Variants in MIB1 observed in about 807,000 individuals in gnomAD.
The protein encoded by MIB1 is E3 ubiquitin-protein ligase MIB1.
Under a neutral mutation model 124.5 loss-of-function variants are expected in MIB1, and 278 were observed. The observed-to-expected ratio is 2.23, with a 90% confidence interval of 2.02 to 2.47. MIB1 has a LOEUF of 2.47. Ranked by LOEUF, MIB1 falls within the 30% of genes most tolerant of loss-of-function variation. MIB1 has a pLI of 0.00. For missense variants in MIB1, 957 were observed against 1,254.4 expected (o/e 0.76, Z 3.58); for synonymous variants, 446 against 429.4 (o/e 1.04, Z -0.48).
chr18:21,822,600 C>T (rs986050331), intron 12 of MIB1, among the ~76,000 whole-genome samples: 3 of 152,154 alleles, frequency 2.0e-5, no homozygotes, highest in Admixed American at 2.0e-4. Flanking sequence ...TTTAATTGGA[C>T]ACTGAAGAGT....
At position 21,817,436 on chromosome 18, in the gene MIB1, T is replaced by C. The variant is rs143936102; in HGVS notation, c.1677+1623T>C. Among the ~76,000 whole-genome samples the C allele has an allele frequency of 4.1e-3, 627 of 152,312 alleles. 2 individuals carry two copies. The highest frequency in any genetic ancestry group is 0.01 in the Middle Eastern group (3 of 294). ...CACCATGCCTAGCAGGAATTCTTTA[T>C]GTAGGTGGATGAATATATTCCTGGG... On this transcript the variant is annotated intron_variant, in intron 11 of 20. Coordinates refer to ENST00000261537, the MANE Select transcript of MIB1 (RefSeq NM_020774.4).
intron 18 of MIB1, chr18:21,854,546 A>T (rs1464989458): frequency 6.3e-6 from 1 of 157,986 alleles, no homozygotes; most frequent in East Asian, 1.8e-4. Flanking sequence ...GAGCCTTAAT[A>T]TAATATTTCC....
At position 21,722,513 on chromosome 18, in the gene MIB1, G is replaced by A. The variant is rs543234837; in HGVS notation, n.167+17390G>A. ...AGCCTCCTGAGTAGCTGAGATTACAGGCGCCTGCCACCACACCCTGCTAAT... is the reference window on the plus strand; with the variant it reads ...AGCCTCCTGAGTAGCTGAGATTACAAGCGCCTGCCACCACACCCTGCTAAT... On this transcript the variant is annotated intron_variant and non_coding_transcript_variant, in intron 1 of 20. Transcript: ENST00000578646. 2.8e-4 allele frequency among the ~76,000 whole-genome samples: 43 copies of A among 152,132 alleles called. 1 individual carries two copies. The East Asian group carries it at 7.9e-3, about 28-fold the overall frequency.
intron 4 of MIB1, among the ~76,000 whole-genome samples, chr18:21,777,686 C>T (rs2053539316): frequency 6.6e-6 from 1 of 152,102 alleles, no homozygotes; most frequent in Non-Finnish European, 1.5e-5. Context: ...TCCTGAGCAT[C>T]TGGGATTACA....
chr18:21,862,165 G>A (rs536591099), intron 20 of MIB1, among the ~76,000 whole-genome samples: 1 of 151,710 alleles, frequency 6.6e-6, no homozygotes, highest in South Asian at 2.1e-4. Flanking sequence ...CCAAAGTGTT[G>A]GGATTACAGG....
intron 9 of MIB1, among the ~76,000 whole-genome samples, chr18:21,803,187 A>G (rs1024449155): frequency 6.6e-5 from 10 of 151,858 alleles, no homozygotes; most frequent in African/African-American, 2.4e-4. Context: ...TTACCTTTTA[A>G]ATTATTTTAT....
chr18:21,784,260 G>A (rs1447071861), intron 6 of MIB1, among the ~76,000 whole-genome samples: 1 of 151,282 alleles, frequency 6.6e-6, no homozygotes, highest in African/African-American at 2.4e-5. Flanking sequence ...TGTTGGCCAG[G>A]CTGGTCTGGA....
rs538337669 is a variant in MIB1 at position 21,869,216 on chromosome 18, G to A, written c.*4550G>A. On this transcript the variant is annotated 3_prime_UTR_variant, in exon 21 of 21. Coordinates refer to ENST00000261537, the MANE Select transcript of MIB1 (RefSeq NM_020774.4). ...ATATGCTGAATATTTTACTTTTCCTGTATAGTCTGCATGATTTGTTTCATA... is the reference window on the plus strand; with the variant it reads ...ATATGCTGAATATTTTACTTTTCCTATATAGTCTGCATGATTTGTTTCATA... 2.0e-5 allele frequency: 3 copies of A among 152,508 alleles called. No individual in the cohort carries two copies. The highest frequency in any genetic ancestry group is 1.9e-4 in the East Asian group (1 of 5,186). The allele number at this position is 152,508 out of a possible 1,614,324, so 9.4% of individuals were successfully genotyped here.
At chr18:21,818,571 A>G (rs1462485418) in intron 11 of MIB1, among the ~76,000 whole-genome samples, 1 of 152,194 alleles carries the variant, frequency 6.6e-6, no homozygotes. Context: ...TGAGAGGCTC[A>G]TGTGGGAGGA....
intron 20 of MIB1, among the ~76,000 whole-genome samples, chr18:21,863,371 C>T (rs2042293313): frequency 6.6e-6 from 1 of 152,178 alleles, no homozygotes; most frequent in South Asian, 2.1e-4. Context: ...GTCCCGAGCT[C>T]TTGTCCAGTG....
At chr18:21,740,390 A>G (rs760493009), upstream of MIB1, among the ~76,000 whole-genome samples, 7 of 152,056 alleles carry the variant, frequency 4.6e-5, no homozygotes, top group Non-Finnish European at 1.0e-4. Context: ...GCTTAAAAAC[A>G]CACTACTAAC....
intron 1 of MIB1, among the ~76,000 whole-genome samples, chr18:21,719,764 A>G (rs2040706455): frequency 6.6e-6 from 1 of 151,754 alleles, no homozygotes; most frequent in Non-Finnish European, 1.5e-5. Context: ...GCCCTTTTTT[A>G]CTTTTTTCTA....
rs555056843 is a variant in MIB1, at chr18:21,787,031, T to C, written c.909-4343T>C. On this transcript the variant is annotated intron_variant, in intron 6 of 20. Transcript: ENST00000261537. ...ATTGAAAGATCATTTTTTTTTTTTT[T>C]CCCAGTTTTTGCTGTCTGCTTATTT... 4.9e-3 allele frequency among the ~76,000 whole-genome samples: 746 copies of C among 151,722 alleles called. 3 individuals carry two copies. Among genetic ancestry groups the C allele is most frequent in the African/African-American group, 0.016 (669 of 41,130 alleles).
chr18:21,706,591 T>C (rs2040635387), intron 1 of MIB1, among the ~76,000 whole-genome samples: 1 of 151,994 alleles, frequency 6.6e-6, no homozygotes, highest in Non-Finnish European at 1.5e-5. Context: ...GGGTGTGGGC[T>C]CGGCGGGCCC....
chr18:21,832,836 TATAA>T (rs2041996597), intron 12 of MIB1, among the ~76,000 whole-genome samples: 1 of 152,146 alleles, frequency 6.6e-6, no homozygotes, highest in Non-Finnish European at 1.5e-5. Flanking sequence ...TGTCTCAGAG[TATAA>T]AGTAGGTTAA....
rs1369386365 is a variant in MIB1 at position 21,741,317 on chromosome 18, C to T, written c.-267C>T. 1 of 168,962 alleles carries T rather than the reference C, an allele frequency of 5.9e-6. No homozygotes were observed. Among genetic ancestry groups the T allele is most frequent in the African/African-American group, 2.4e-5 (1 of 41,864 alleles). 10.5% of individuals were successfully genotyped at this position (168,962 alleles called of 1,614,324 possible). The stretch of plus-strand genomic sequence containing the variant: ...GAGTCCCCGCCCACGGCCCCCTCCC[C>T]TCTGCCCGCTCTCCGCCGCCGCCTC... On this transcript the variant is annotated 5_prime_UTR_variant, in exon 1 of 21. Transcript: ENST00000261537. The surrounding 1 kb of genome is among the most constrained non-coding windows in gnomAD (Gnocchi z 5.4).
At chr18:21,723,814 A>T (rs1451680252) in intron 1 of MIB1, among the ~76,000 whole-genome samples, 1 of 151,476 alleles carries the variant, frequency 6.6e-6, no homozygotes, top group African/African-American at 2.4e-5. Context: ...GTGCCCGGCT[A>T]TAATTGTTTT....
intron 15 of MIB1, 82 bp from the exon 16 acceptor site, chr18:21,846,862 C>G: frequency 7.5e-7 from 1 of 1,334,610 alleles, no homozygotes; most frequent in Non-Finnish European, 1.1e-6. Context: ...AAGTGTCCAC[C>G]ACACACACAT....
At chr18:21,837,903 T>G (rs2042048557) in intron 12 of MIB1, among the ~76,000 whole-genome samples, 1 of 152,214 alleles carries the variant, frequency 6.6e-6, no homozygotes, top group Non-Finnish European at 1.5e-5. Flanking sequence ...CTAAAAATTA[T>G]TATCTGGCTG....
Sources: gnomAD v4.1 joint callset for allele counts (sites outside exome capture counted in the v4.1 genomes callset) on GRCh38, gnomAD v4.1.1 for gene constraint, Gnocchi (gnomAD v3.1) non-coding constraint, MANE v1.5 for transcripts, NCBI Gene and HGNC (gene_info 2026-07-23, HGNC 2026-07-21) for gene names.